GCHFR: variants seen among roughly 807,000 people sequenced by gnomAD.
GCHFR encodes the protein GTP cyclohydrolase 1 feedback regulatory protein.
GCHFR carries 12 observed loss-of-function variants against 10.6 expected under a neutral mutation model. The observed-to-expected ratio is 1.13, with a 90% confidence interval of 0.72 to 1.83. The LOEUF is 1.83. GCHFR is among the 40% of genes most tolerant of loss of function. The pLI is 0.00. For missense variants in GCHFR, 116 were observed against 110.6 expected, an observed-to-expected ratio of 1.05 and a Z score of -0.22; for synonymous variants, 54 against 43.7, an observed-to-expected ratio of 1.24 and a Z score of -0.93.
chr15:40,764,534 T>TCCCTG (rs1292323250), intron 1 of GCHFR: 5 of 398,926 alleles, frequency 1.3e-5, no homozygotes, highest in Non-Finnish European at 2.3e-5. Flanking sequence ...AGCCCTGGCC[T>TCCCTG]CACGCGCAGC....
At chr15:40,764,476 C>T (rs955631679) in intron 1 of GCHFR, 20 of 457,844 alleles carry the variant, frequency 4.4e-5, no homozygotes, top group Non-Finnish European at 7.8e-5. Context: ...GGGCGACCTC[C>T]GGGCGCTTCC....
Position 40,766,887 on chromosome 15 carries a change from G to C in GCHFR, c.132-339G>C, listed in dbSNP as rs146608808. ...TCCTCCTACCTGGAAGCCTGGGTGG[G>C]GAGCAAGCCCAGGGAGGGCGGCAGC... On this transcript the variant is annotated intron_variant, in intron 2 of 2. Transcript: ENST00000260447. 69 of 176,500 alleles carry C rather than the reference G, an allele frequency of 3.9e-4. 2 individuals are homozygous for C. In the East Asian group the frequency reaches 9.3e-3, roughly 24 times the overall value. The allele number at this position is 176,500 out of a possible 1,614,324, so 10.9% of individuals were successfully genotyped here. A position where few individuals can be genotyped will look rare whatever the true frequency, so the allele number is the denominator to read the frequency against.
At chr15:40,765,741 G>A (rs905147792) in intron 1 of GCHFR, 86 bp from the exon 2 acceptor site, 47 of 587,842 alleles carry the variant, frequency 8.0e-5, no homozygotes, top group Non-Finnish European at 1.1e-4. Context: ...CTTACTCAGG[G>A]CTAGCAGGCA....
rs181285794 is a variant in GCHFR at position 40,764,319 on chromosome 15, A to G, written c.36+103A>G. On this transcript the variant is annotated intron_variant, in intron 1 of 2. Transcript: ENST00000260447. Reference sequence around the variant, plus strand: ...CTGGGCTGCACCCACCGGGGACTGGACCGGGAACCCGCCCAGACACGCCCC... The same window carrying G: ...CTGGGCTGCACCCACCGGGGACTGGGCCGGGAACCCGCCCAGACACGCCCC... The G allele has an allele frequency of 2.4e-4, 254 of 1,042,250 alleles. 1 individual carries two copies. The African/African-American group carries it at 3.9e-3, about 16-fold the overall frequency. The allele number at this position is 1,042,250 out of a possible 1,614,324, so 64.6% of individuals were successfully genotyped here. A position where few individuals can be genotyped will look rare whatever the true frequency, so the allele number is the denominator to read the frequency against.
intron 2 of GCHFR, 24 bp from the exon 3 acceptor site, chr15:40,767,202 C>CG (rs977421446): frequency 3.4e-6 from 5 of 1,470,328 alleles, no homozygotes; most frequent in African/African-American, 2.9e-5. Flanking sequence ...CCCTCCTCAC[C>CG]CCCCCCATCC....
rs1888975171 is a variant in GCHFR at position 40,767,408 on chromosome 15, AC to A, written c.*61del. 1.3e-6 allele frequency: 2 copies of A among 1,509,132 alleles called. No homozygotes were observed. Among genetic ancestry groups the A allele is most frequent in the Non-Finnish European group, 1.8e-6 (2 of 1,125,468 alleles). The allele number at this position is 1,509,132 out of a possible 1,614,324, so 93.5% of individuals were successfully genotyped here. ...TGTGGAGGGGCTGCTGTGGGCCCTG[AC>A]CTCCAAGCTCCTGCCTCACCGTCTG... On this transcript the variant is annotated 3_prime_UTR_variant, in exon 3 of 3. Transcript: ENST00000260447.
intron 1 of GCHFR, chr15:40,764,550 G>A (rs983064878): frequency 2.7e-6 from 1 of 375,748 alleles, no homozygotes; most frequent in Admixed American, 4.6e-5. Context: ...GCAGCACCTA[G>A]TGCCCTGCAC....
chr15:40,767,447 C>A lies in GCHFR; in HGVS notation c.*98C>A. The A allele has an allele frequency of 1.5e-6, 2 of 1,345,386 alleles. No homozygotes were observed. Among genetic ancestry groups the A allele is most frequent in the South Asian group, 1.5e-5 (1 of 68,068 alleles). 83.3% of individuals were successfully genotyped at this position (1,345,386 alleles called of 1,614,324 possible). A position where few individuals can be genotyped will look rare whatever the true frequency, so the allele number is the denominator to read the frequency against. On this transcript the variant is annotated 3_prime_UTR_variant, in exon 3 of 3. Transcript: ENST00000260447. Reference sequence around the variant, plus strand: ...GCCTCACCGTCTGCCTTGCTCCTCTCTTCCCAAATCATCACCGCCATGGGC... The same window carrying A: ...GCCTCACCGTCTGCCTTGCTCCTCTATTCCCAAATCATCACCGCCATGGGC...
Position 40,767,607 on chromosome 15 carries a change from G to A in GCHFR, c.*258G>A. On this transcript the variant is annotated 3_prime_UTR_variant, in exon 3 of 3. Coordinates refer to ENST00000260447, the MANE Select transcript of GCHFR (RefSeq NM_005258.3). ...GGGCCGAGGGCCTTGTGTAGGCCAT[G>A]TTCCTCGGGCAGCTGCCCCGGGCCG... 1 of 586,880 alleles carries A rather than the reference G, an allele frequency of 1.7e-6. No homozygotes were observed. Among genetic ancestry groups the A allele is most frequent in the Non-Finnish European group, 2.9e-6 (1 of 347,914 alleles). 36.4% of individuals were successfully genotyped at this position (586,880 alleles called of 1,614,324 possible). A position where few individuals can be genotyped will look rare whatever the true frequency, so the allele number is the denominator to read the frequency against.
rs1189516698 is a variant in GCHFR, at chr15:40,767,600, A to G, written c.*251A>G. ...CGGGCCTGGGCCGAGGGCCTTGTGTAGGCCATGTTCCTCGGGCAGCTGCCC... is the reference window on the plus strand; with the variant it reads ...CGGGCCTGGGCCGAGGGCCTTGTGTGGGCCATGTTCCTCGGGCAGCTGCCC... On this transcript the variant is annotated 3_prime_UTR_variant, in exon 3 of 3. Coordinates refer to ENST00000260447, the MANE Select transcript of GCHFR (RefSeq NM_005258.3). 3.4e-6 allele frequency: 2 copies of G among 587,994 alleles called. No individual in the cohort carries two copies. Among genetic ancestry groups the G allele is most frequent in the Non-Finnish European group, 5.7e-6 (2 of 348,826 alleles). 36.4% of individuals were successfully genotyped at this position (587,994 alleles called of 1,614,324 possible). A position where few individuals can be genotyped will look rare whatever the true frequency, so the allele number is the denominator to read the frequency against.
intron 2 of GCHFR, 95 bp from the exon 3 acceptor site, chr15:40,767,131 A>G: frequency 7.5e-7 from 1 of 1,333,238 alleles, no homozygotes; most frequent in Non-Finnish European, 9.9e-7. Flanking sequence ...GTGAGTCACT[A>G]CAAGAGTGGC....
chr15:40,764,546 C>G (rs920506638), intron 1 of GCHFR: 4 of 379,960 alleles, frequency 1.1e-5, no homozygotes, highest in Non-Finnish European at 1.9e-5. Flanking sequence ...ACGCGCAGCA[C>G]CTAGTGCCCT....
chr15:40,764,272 A>G, intron 1 of GCHFR, 56 bp downstream of exon 1: 1 of 1,476,882 alleles, frequency 6.8e-7, no homozygotes, highest in Non-Finnish European at 9.1e-7. Context: ...GGGGGCTGCG[A>G]CTGCACCTTC....
chr15:40,765,974 T>C (rs1888938521), intron 2 of GCHFR, 53 bp downstream of exon 2: 2 of 897,260 alleles, frequency 2.2e-6, no homozygotes, highest in Non-Finnish European at 1.7e-6. Flanking sequence ...TAGACCTGCC[T>C]CTGCTCCCTT....
At chr15:40,766,550 C>G (rs1486089011) in intron 2 of GCHFR, 1 of 152,256 alleles carries the variant, frequency 6.6e-6, no homozygotes, top group Non-Finnish European at 1.5e-5. Context: ...GGTCAAGGCT[C>G]GGGGACAGAA....
In GCHFR at chr15:40,764,217, G is replaced by T; in HGVS notation, c.36+1G>T. The T allele has an allele frequency of 6.4e-7, 1 of 1,555,068 alleles. No homozygotes were observed. Among genetic ancestry groups the T allele is most frequent in the Non-Finnish European group, 8.7e-7 (1 of 1,150,264 alleles). On this transcript the variant is annotated splice_donor_variant, in intron 1 of 2. Coordinates refer to ENST00000260447, the MANE Select transcript of GCHFR (RefSeq NM_005258.3). LOFTEE classifies it high-confidence loss of function. ...GCTCATCAGCACCCAGATCCGCATG[G>T]TGAGTACCGGCCGCCTGGCGACTTG...
Position 40,767,293 on chromosome 15 carries a change from G to A in GCHFR, c.199G>A (p.Val67Met). The A allele has an allele frequency of 6.2e-7, 1 of 1,605,404 alleles. No individual in the cohort carries two copies. Among genetic ancestry groups the A allele is most frequent in the Non-Finnish European group, 8.5e-7 (1 of 1,176,116 alleles). ...CAAGCTGGAACGCAGGGGCTTCCGT[G>A]TGCTGAGCATGACGGGGGTGGGCCA... ...LDKLERRGFR[V>M]LSMTGVGQTL... Residue 67 changes from valine to methionine, a missense_variant, in exon 3 of 3, where the codon GTG becomes ATG. Coordinates refer to ENST00000260447, the MANE Select transcript of GCHFR (RefSeq NM_005258.3).
chr15:40,767,466 C>T lies in GCHFR; in HGVS notation c.*117C>T, dbSNP rs1888976640. ...TCCTCTCTTCCCAAATCATCACCGC[C>T]ATGGGCCCAGCCCCAAAGGGCAGTG... On this transcript the variant is annotated 3_prime_UTR_variant, in exon 3 of 3. Transcript: ENST00000260447. The T allele has an allele frequency of 1.6e-6, 2 of 1,214,236 alleles. No individual in the cohort carries two copies. The highest frequency in any genetic ancestry group is 3.2e-5 in the South Asian group (2 of 62,660). The allele number at this position is 1,214,236 out of a possible 1,614,324, so 75.2% of individuals were successfully genotyped here. A position where few individuals can be genotyped will look rare whatever the true frequency, so the allele number is the denominator to read the frequency against.
chr15:40,764,263 G>C, intron 1 of GCHFR, 47 bp downstream of exon 1: 1 of 1,514,618 alleles, frequency 6.6e-7, no homozygotes, highest in Non-Finnish European at 8.9e-7. Context: ...CAGGCCCTAG[G>C]GGGCTGCGAC....
Sources: gnomAD v4.1 joint callset for allele counts on GRCh38, gnomAD v4.1.1 for gene constraint, MANE v1.5 for transcripts, NCBI Gene and HGNC (gene_info 2026-07-23, HGNC 2026-07-21) for gene names.